PXDNL: variants seen among roughly 807,000 people sequenced by gnomAD.
PXDNL encodes peroxidasin like, also known as probable oxidoreductase PXDNL.
Under a neutral mutation model 150.8 loss-of-function variants are expected in PXDNL, and 145 were observed. That is an observed-to-expected ratio of 0.96 (90% CI 0.84 to 1.10). PXDNL has a LOEUF of 1.10. Among genes scored for constraint, PXDNL ranks in the 50% least tolerant of loss-of-function variants. PXDNL has a pLI of 0.00. For missense variants in PXDNL, 2,087 were observed against 1,873.9 expected, an observed-to-expected ratio of 1.11 and a Z score of -2.10; for synonymous variants, 757 against 725.7, an observed-to-expected ratio of 1.04 and a Z score of -0.69.
intron 13 of PXDNL, among the ~76,000 whole-genome samples, chr8:51,426,092 C>T (rs1273441844): frequency 2.0e-5 from 3 of 152,062 alleles, no homozygotes; most frequent in East Asian, 1.9e-4. Flanking sequence ...CTGAGACCGA[C>T]CATTTTGTTT....
chr8:51,447,159 C>A lies in PXDNL; in HGVS notation c.1370G>T (p.Gly457Val), dbSNP rs143377046. The stretch of plus-strand genomic sequence containing the variant: ...ATGCTGGCCTTCCACAGGGAGCTGC[C>A]CTCCTGCAAAAAGAGGTAAAGAAAG... ...PPVIVWTKTG[G>V]QLPVEGQHTV... is the part of the protein sequence containing the mutation. The change falls in exon 12 of 23, where the codon GGG becomes GTG. Residue 457 changes from glycine to valine, a missense_variant. Coordinates refer to ENST00000356297, the MANE Select transcript of PXDNL (RefSeq NM_144651.5). The A allele has an allele frequency of 2.9e-4, 461 of 1,612,364 alleles. 2 individuals are homozygous for A. In the African/African-American group the frequency reaches 5.7e-3, roughly 20 times the overall value.
chr8:51,436,949 G>A (rs921309672), intron 12 of PXDNL, among the ~76,000 whole-genome samples: 3 of 151,982 alleles, frequency 2.0e-5, no homozygotes, highest in Admixed American at 6.6e-5. Context: ...AAATTCATAG[G>A]TCATTAGCAA....
At chr8:51,540,660 TG>T in intron 4 of PXDNL, among the ~76,000 whole-genome samples, 1 of 152,332 alleles carries the variant, frequency 6.6e-6, no homozygotes, top group Middle Eastern at 3.4e-3. Context: ...ATGATACTTA[TG>T]TGGTTGAAAA....
chr8:51,515,943 T>G (rs186932804), intron 4 of PXDNL, among the ~76,000 whole-genome samples: 8 of 152,306 alleles, frequency 5.3e-5, no homozygotes, highest in Non-Finnish European at 1.0e-4. Flanking sequence ...TAAAGATATA[T>G]AGTAGTTTTT....
intron 19 of PXDNL, among the ~76,000 whole-genome samples, chr8:51,361,268 G>T (rs1378735482): frequency 6.6e-6 from 1 of 152,146 alleles, no homozygotes; most frequent in African/African-American, 2.4e-5. Flanking sequence ...TCCAGTTAGA[G>T]GCCTCTTATG....
At chr8:51,715,173 C>T (rs937515258) in intron 1 of PXDNL, among the ~76,000 whole-genome samples, 3 of 152,054 alleles carry the variant, frequency 2.0e-5, no homozygotes, top group African/African-American at 4.8e-5. Context: ...ACAAACAACC[C>T]AATTCAAAAA....
At chr8:51,494,698 G>A (rs1332638225) in intron 5 of PXDNL, among the ~76,000 whole-genome samples, 53 of 152,184 alleles carry the variant, frequency 3.5e-4, no homozygotes, top group Middle Eastern at 3.4e-3. Context: ...ATTACATAAT[G>A]GTGAAGGGAT....
rs772384250 is a variant in PXDNL, at chr8:51,411,426, A to G, written c.1905-19T>C. On this transcript the variant is annotated intron_variant, in intron 15 of 22. Transcript: ENST00000356297. ...AGGTTTTCTGCAAATGACAAAACAC[A>G]TGATTCTTTACAAGGCAAAACAGCA... 23 of 1,556,814 alleles carry G rather than the reference A, an allele frequency of 1.5e-5. No individual in the cohort carries two copies. The highest frequency in any genetic ancestry group is 1.3e-4 in the Admixed American group (6 of 45,404).
chr8:51,335,066 T>C (rs567879616), intron 21 of PXDNL, among the ~76,000 whole-genome samples: 18 of 152,356 alleles, frequency 1.2e-4, no homozygotes, highest in African/African-American at 3.8e-4. Flanking sequence ...CTACATTTAC[T>C]TGTTTAATGA....
At chr8:51,487,975 T>C (rs1213438597) in intron 5 of PXDNL, among the ~76,000 whole-genome samples, 4 of 152,212 alleles carry the variant, frequency 2.6e-5, no homozygotes, top group Non-Finnish European at 5.9e-5. Context: ...GATAAAGTCA[T>C]GGTAAATTTG....
In PXDNL at chr8:51,345,931, T is replaced by G; in HGVS notation, c.3918A>C (p.Gly1306=). 1 of 1,610,702 alleles carries G rather than the reference T, an allele frequency of 6.2e-7. No individual in the cohort carries two copies. Among genetic ancestry groups the G allele is most frequent in the East Asian group, 2.2e-5 (1 of 44,870 alleles). ...ACTCTTGCGTCACTGCTCTGAACTGTCCTCTACTCCTACAGTCTGTGGGGA... is the reference window on the plus strand; with the variant it reads ...ACTCTTGCGTCACTGCTCTGAACTGGCCTCTACTCCTACAGTCTGTGGGGA... The part of the protein sequence containing the change: ...QDCCADCRSR[G]QFRAVTQESQ... Residue 1306 remains glycine, a synonymous_variant, in exon 20 of 23, where the codon GGA becomes GGC. Transcript: ENST00000356297.
chr8:51,769,559 T>A (rs971836491), intron 1 of PXDNL, among the ~76,000 whole-genome samples: 3 of 152,196 alleles, frequency 2.0e-5, no homozygotes, highest in Admixed American at 2.0e-4. Flanking sequence ...GATTTGTCAT[T>A]CTTCAATGAT....
chr8:51,555,211 G>A (rs1812575233), intron 4 of PXDNL, among the ~76,000 whole-genome samples: 1 of 152,154 alleles, frequency 6.6e-6, no homozygotes, highest in Non-Finnish European at 1.5e-5. Flanking sequence ...GGGCAAGTGA[G>A]GGCAAGAGAG....
Position 51,780,462 on chromosome 8 carries a change from G to A in PXDNL, c.164+28719C>T, listed in dbSNP as rs182569832. ...GAAACACTGTTCTAGGAGACAGTGC[G>A]CATACTTGTTTATCCTACAATGAGA... On this transcript the variant is annotated intron_variant, in intron 1 of 22. Coordinates refer to ENST00000356297, the MANE Select transcript of PXDNL (RefSeq NM_144651.5). Among the ~76,000 whole-genome samples, 322 of 152,118 alleles carry A rather than the reference G, an allele frequency of 2.1e-3. 1 individual carries two copies. The highest frequency in any genetic ancestry group is 7.4e-3 in the African/African-American group (305 of 41,494).
At chr8:51,807,982 T>C (rs561993319) in intron 1 of PXDNL, among the ~76,000 whole-genome samples, 157 of 152,348 alleles carry the variant, frequency 1.0e-3, no homozygotes, top group African/African-American at 3.5e-3. Flanking sequence ...AAGAATCCTT[T>C]CAGTTATTAC....
chr8:51,374,472 T>A, intron 18 of PXDNL, 125 bp downstream of exon 18: 1 of 856,004 alleles, frequency 1.2e-6, no homozygotes. Context: ...CCTAATGCTA[T>A]CTGATATTCA....
At chr8:51,643,623 A>G (rs1423649056) in intron 2 of PXDNL, among the ~76,000 whole-genome samples, 2 of 152,240 alleles carry the variant, frequency 1.3e-5, no homozygotes, top group African/African-American at 4.8e-5. Flanking sequence ...CATTCAGGAC[A>G]TAGGCATGGG....
chr8:51,496,931 C>T (rs940984138), intron 5 of PXDNL, among the ~76,000 whole-genome samples: 1 of 152,160 alleles, frequency 6.6e-6, no homozygotes, highest in African/African-American at 2.4e-5. Context: ...TTGGAAAAAA[C>T]TACTTTAAAG....
chr8:51,792,107 G>A (rs1438925107), intron 1 of PXDNL, among the ~76,000 whole-genome samples: 2 of 152,124 alleles, frequency 1.3e-5, no homozygotes, highest in Non-Finnish European at 2.9e-5. Flanking sequence ...AGTAAGAAGA[G>A]CAATCAGCTA....
Sources: allele counts gnomAD v4.1 joint callset (sites outside exome capture counted in the v4.1 genomes callset), GRCh38; gene constraint gnomAD v4.1.1; transcripts MANE v1.5; gene names NCBI Gene and HGNC (gene_info 2026-07-23, HGNC 2026-07-21).